Variants in QTMAN observed in about 807,000 individuals in gnomAD.
QTMAN encodes queuosine-tRNA mannosyltransferase.
the QTMAN span, among the ~76,000 whole-genome samples, chr2:144,301,401 T>TA: frequency 3.9e-5 from 6 of 152,116 alleles, no homozygotes; most frequent in African/African-American, 1.4e-4. Flanking sequence ...TTTTGTACTT[T>TA]TAGTAGAGAC....
At chr2:144,250,874 G>C in the QTMAN span, among the ~76,000 whole-genome samples, 3 of 151,182 alleles carry the variant, frequency 2.0e-5, no homozygotes, top group Admixed American at 2.0e-4. Context: ...CTTCAGAAAA[G>C]TAGTTATCTT....
At chr2:144,157,159 AC>A in the QTMAN span, among the ~76,000 whole-genome samples, 2 of 152,106 alleles carry the variant, frequency 1.3e-5, no homozygotes, top group African/African-American at 4.8e-5. Flanking sequence ...AACTTTATTT[AC>A]AGTGTTTGTT....
At chr2:144,228,089 T>C in the QTMAN span, among the ~76,000 whole-genome samples, 1 of 152,116 alleles carries the variant, frequency 6.6e-6, no homozygotes. Context: ...ATGCTAAGGA[T>C]GGTGGGGAAG....
the QTMAN span, among the ~76,000 whole-genome samples, chr2:144,077,354 CA>C: frequency 6.6e-6 from 1 of 152,174 alleles, no homozygotes; most frequent in African/African-American, 2.4e-5. Flanking sequence ...ATCAAACTTA[CA>C]AATAAGCCAC....
chr2:144,203,728 A>G, the QTMAN span, among the ~76,000 whole-genome samples: 3 of 152,122 alleles, frequency 2.0e-5, no homozygotes, highest in African/African-American at 7.2e-5. Flanking sequence ...TACCATACCT[A>G]CTTCTAATTG....
chr2:144,028,718 C>T, the QTMAN span, among the ~76,000 whole-genome samples: 1 of 152,190 alleles, frequency 6.6e-6, no homozygotes, highest in Admixed American at 6.5e-5. Context: ...TGTGGATATA[C>T]TCTTTGAAAG....
At chr2:144,289,140 T>C in the QTMAN span, among the ~76,000 whole-genome samples, 1 of 151,558 alleles carries the variant, frequency 6.6e-6, no homozygotes, top group Admixed American at 6.6e-5. Flanking sequence ...TTCACGCCAT[T>C]CTCCTGCCTC....
the QTMAN span, among the ~76,000 whole-genome samples, chr2:143,997,076 T>G: frequency 1.3e-5 from 2 of 152,058 alleles, no homozygotes; most frequent in Admixed American, 6.6e-5. Context: ...TGGTAAGAAG[T>G]GGTTTCAATG....
the QTMAN span, among the ~76,000 whole-genome samples, chr2:144,151,648 A>G: frequency 6.6e-6 from 1 of 152,164 alleles, no homozygotes; most frequent in Non-Finnish European, 1.5e-5. Context: ...TCCCTTTATC[A>G]CTTCCAAAGC....
chr2:144,094,134 C>A, the QTMAN span, among the ~76,000 whole-genome samples: 1 of 152,014 alleles, frequency 6.6e-6, no homozygotes, highest in Admixed American at 6.6e-5. Flanking sequence ...CAATAAACTG[C>A]GCATTAAATG....
chr2:144,274,751 A>G, the QTMAN span, among the ~76,000 whole-genome samples: 4 of 152,332 alleles, frequency 2.6e-5, no homozygotes, highest in Admixed American at 6.5e-5. Flanking sequence ...CCCAGGAAAC[A>G]TAAGTGTTTC....
the QTMAN span, among the ~76,000 whole-genome samples, chr2:144,321,529 T>C: frequency 2.6e-5 from 4 of 152,220 alleles, no homozygotes; most frequent in Admixed American, 2.0e-4. Flanking sequence ...AAATTGTAGA[T>C]TGACGGTACT....
the QTMAN span, among the ~76,000 whole-genome samples, chr2:144,106,114 A>G: frequency 6.6e-6 from 1 of 152,198 alleles, no homozygotes; most frequent in African/African-American, 2.4e-5. Context: ...AGCACTATAC[A>G]TGGAAAGGAA....
chr2:144,057,388 T>C, the QTMAN span, among the ~76,000 whole-genome samples: 7 of 152,320 alleles, frequency 4.6e-5, no homozygotes, highest in East Asian at 5.8e-4. Context: ...GACCAAGATA[T>C]ATATGCAAGA....
the QTMAN span, among the ~76,000 whole-genome samples, chr2:144,052,207 T>C: frequency 6.6e-6 from 1 of 152,118 alleles, no homozygotes; most frequent in African/African-American, 2.4e-5. Flanking sequence ...TTATGGAATT[T>C]ATATGGAAAC....
At chr2:144,217,460 T>C in the QTMAN span, among the ~76,000 whole-genome samples, 1 of 152,040 alleles carries the variant, frequency 6.6e-6, no homozygotes, top group African/African-American at 2.4e-5. Context: ...ACACGGTATA[T>C]GTTTTATATG....
the QTMAN span, among the ~76,000 whole-genome samples, chr2:144,126,431 C>CT: frequency 6.6e-6 from 1 of 151,944 alleles, no homozygotes; most frequent in South Asian, 2.1e-4. Context: ...AAAACCACTG[C>CT]TATGAGCTAT....
At chr2:143,981,241 G>A in the QTMAN span, among the ~76,000 whole-genome samples, 8 of 152,180 alleles carry the variant, frequency 5.3e-5, no homozygotes, top group African/African-American at 9.6e-5. Flanking sequence ...TTCAAAATAC[G>A]GCTTTAGAAT....
the QTMAN span, among the ~76,000 whole-genome samples, chr2:144,194,748 A>C: frequency 6.6e-6 from 1 of 152,200 alleles, no homozygotes; most frequent in African/African-American, 2.4e-5. Flanking sequence ...AATAAAACAG[A>C]AATGTAGATA....
Sources: gnomAD v4.1 joint callset for allele counts (sites outside exome capture counted in the v4.1 genomes callset) on GRCh38, gnomAD v4.1.1 for gene constraint, MANE v1.5 for transcripts, NCBI Gene and HGNC (gene_info 2026-07-23, HGNC 2026-07-21) for gene names.